Variants in IDO2 observed in about 807,000 individuals in gnomAD.
IDO2 encodes indoleamine 2,3-dioxygenase 2.
Under a neutral mutation model 45.1 loss-of-function variants are expected in IDO2, and 46 were observed. That is an observed-to-expected ratio of 1.02 (90% confidence interval 0.80 to 1.30). The LOEUF is 1.30. IDO2 is among the 50% of genes most tolerant of loss of function. The pLI is 0.00. For synonymous variants in IDO2, 218 were observed against 184.9 expected (o/e 1.18, Z -1.45); for missense variants, 544 against 491.8 (o/e 1.11, Z -1.00).
chr8:40,004,428 T>C (rs2909329), intron 8 of IDO2, among the ~76,000 whole-genome samples: 13,125 of 151,952 alleles, frequency 0.086, 661 homozygotes, highest in Middle Eastern at 0.15. Context: ...AGATGATAGA[T>C]AGAGAGATAG....
chr8:39,976,054 A>G (rs2729465), intron 3 of IDO2, among the ~76,000 whole-genome samples: 22,357 of 152,068 alleles, frequency 0.15, 1,891 homozygotes, highest in East Asian at 0.34. Flanking sequence ...ATCCTGGCTC[A>G]CTGAAACCTC....
At chr8:40,002,015 A>C (rs2129595214) in intron 8 of IDO2, among the ~76,000 whole-genome samples, 1 of 152,086 alleles carries the variant, frequency 6.6e-6, no homozygotes. Flanking sequence ...CAAACTCCTG[A>C]CTTCAAGTGA....
intron 3 of IDO2, among the ~76,000 whole-genome samples, chr8:39,965,392 C>A (rs1040073555): frequency 2.0e-5 from 3 of 152,114 alleles, no homozygotes; most frequent in African/African-American, 7.2e-5. Flanking sequence ...GAGGCTGGGG[C>A]AGAAGAATCA....
chr8:39,983,127 T>G (rs1387148195), intron 5 of IDO2, among the ~76,000 whole-genome samples: 2 of 152,212 alleles, frequency 1.3e-5, no homozygotes, highest in African/African-American at 2.4e-5. Context: ...TGATAAGTAA[T>G]CATTATATAA....
At chr8:39,939,176 G>GACC (rs1265812773) in intron 1 of IDO2, among the ~76,000 whole-genome samples, 1 of 150,778 alleles carries the variant, frequency 6.6e-6, no homozygotes, top group Admixed American at 6.7e-5. Context: ...CCAGGAGGTG[G>GACC]AGGTTGCAGT....
chr8:40,014,445 G>A (rs192365819), intron 10 of IDO2, among the ~76,000 whole-genome samples: 1 of 152,264 alleles, frequency 6.6e-6, no homozygotes, highest in East Asian at 1.9e-4. Flanking sequence ...GGCTTCAAGA[G>A]GCTATTACTA....
At chr8:39,938,247 A>G (rs1400935237) in intron 1 of IDO2, among the ~76,000 whole-genome samples, 1 of 151,746 alleles carries the variant, frequency 6.6e-6, no homozygotes, top group Non-Finnish European at 1.5e-5. Flanking sequence ...GTTTGAAATC[A>G]GTGAGGGCAA....
chr8:39,966,462 G>A (rs1808087161), intron 3 of IDO2, among the ~76,000 whole-genome samples: 1 of 152,198 alleles, frequency 6.6e-6, no homozygotes, highest in South Asian at 2.1e-4. Flanking sequence ...GACTGAATCA[G>A]TTAGCAATTT....
intron 4 of IDO2, among the ~76,000 whole-genome samples, chr8:39,979,540 G>A (rs1343458676): frequency 6.6e-6 from 1 of 152,084 alleles, no homozygotes; most frequent in Non-Finnish European, 1.5e-5. Flanking sequence ...TTTTAGTAGA[G>A]ATGGGTTTCA....
chr8:39,995,827 C>A (rs1377415847), intron 8 of IDO2, among the ~76,000 whole-genome samples: 1 of 151,946 alleles, frequency 6.6e-6, no homozygotes, highest in Non-Finnish European at 1.5e-5. Context: ...AGAGTGTGAG[C>A]CTTCTGTTAT....
chr8:40,005,222 A>T (rs1185792101), intron 8 of IDO2, 105 bp from the exon 9 acceptor site: 1 of 613,362 alleles, frequency 1.6e-6, no homozygotes, highest in African/African-American at 1.8e-5. Context: ...GTCTCCATGC[A>T]TATCAGATAG....
At position 39,989,805 on chromosome 8, in the gene IDO2, C is replaced by T. The variant is rs1212993640; in HGVS notation, c.634C>T (p.Gln212Ter). ...CCTGCAGCGACTGAGACTGTCTATTCAGGACATCACCAAAACCTTAGGACA... is the reference window on the plus strand; with the variant it reads ...CCTGCAGCGACTGAGACTGTCTATTTAGGACATCACCAAAACCTTAGGACA... Residue 212 changes from glutamine to a stop codon, truncating the protein, a stop_gained, in exon 8 of 11, where the codon CAG becomes TAG. Transcript: ENST00000502986. LOFTEE classifies it high-confidence loss of function. 12 of 1,601,922 alleles carry T rather than the reference C, an allele frequency of 7.5e-6. No individual in the cohort carries two copies. The highest frequency in any genetic ancestry group is 1.0e-5 in the Non-Finnish European group (12 of 1,174,226).
chr8:40,014,091 C>A (rs1802351327), intron 10 of IDO2, among the ~76,000 whole-genome samples: 1 of 152,140 alleles, frequency 6.6e-6, no homozygotes, highest in Non-Finnish European at 1.5e-5. Context: ...GAAAGTCCTT[C>A]CCCACAAAAT....
chr8:39,968,378 C>T (rs1808128275), intron 3 of IDO2, among the ~76,000 whole-genome samples: 1 of 152,046 alleles, frequency 6.6e-6, no homozygotes, highest in African/African-American at 2.4e-5. Flanking sequence ...TAGTTGACTG[C>T]AAAGGTAATA....
chr8:39,958,126 T>C (rs916652918), intron 2 of IDO2, among the ~76,000 whole-genome samples: 8 of 152,132 alleles, frequency 5.3e-5, no homozygotes, highest in Admixed American at 5.2e-4. Context: ...AGGATGGTCT[T>C]GATCTCCTGA....
chr8:40,015,528 G>A (rs1406478105), exon 11 of IDO2: 2 of 1,613,942 alleles, frequency 1.2e-6, no homozygotes, highest in Admixed American at 1.7e-5. Context: ...GGGCACAGGT[G>A]GAACCGCAGT....
intron 2 of IDO2, among the ~76,000 whole-genome samples, chr8:39,963,259 T>C (rs535639690): frequency 6.6e-6 from 1 of 152,380 alleles, no homozygotes; most frequent in East Asian, 1.9e-4. Context: ...TCAACTGTCA[T>C]ATTTTTATGA....
In IDO2 at chr8:40,008,276, C is replaced by T. The variant is rs544625489; in HGVS notation, c.719+2898C>T. ...GGCCAGGCTGGTCTTGAACTCCTGA[C>T]CTCAAGTGATCCTCCCACTTCAGCC... On this transcript the variant is annotated intron_variant, in intron 9 of 10. Coordinates refer to ENST00000502986, the Ensembl canonical transcript of IDO2. 1.2e-4 allele frequency among the ~76,000 whole-genome samples: 19 copies of T among 152,198 alleles called. 1 individual carries two copies. Among genetic ancestry groups the T allele is most frequent in the African/African-American group, 4.3e-4 (18 of 41,540 alleles).
In IDO2 at chr8:39,979,106, G is replaced by T; in HGVS notation, c.235G>T (p.Glu79Ter). 1 of 1,601,066 alleles carries T rather than the reference G, an allele frequency of 6.2e-7. No homozygotes were observed. The highest frequency in any genetic ancestry group is 1.1e-5 in the South Asian group (1 of 87,978). ...CTGCCAGTTCCTGAAGGGTCACCGG[G>T]AGCAGCGCCTGGCCCACCTGGTCCT... The change falls in exon 4 of 11, where the codon GAG (glutamate) becomes TAG (stop). Residue 79 changes from glutamate to a stop codon, truncating the protein, a stop_gained. Transcript: ENST00000502986. LOFTEE classifies it high-confidence loss of function.
Sources: gnomAD v4.1 joint callset for allele counts (sites outside exome capture counted in the v4.1 genomes callset) on GRCh38, gnomAD v4.1.1 for gene constraint, MANE v1.5 for transcripts, NCBI Gene and HGNC (gene_info 2026-07-23, HGNC 2026-07-21) for gene names.